ZNF584: variants seen among roughly 807,000 people sequenced by gnomAD.
ZNF584 encodes zinc finger protein 584.
A neutral mutation model predicts 14.7 loss-of-function variants in ZNF584; 12 were observed. The observed-to-expected ratio is 0.82, with a 90% CI of 0.52 to 1.32. ZNF584 has a LOEUF of 1.32. Ranked by LOEUF, ZNF584 falls within the 40% of genes most tolerant of loss-of-function variation. The pLI is 0.00. For synonymous variants in ZNF584, 204 were observed against 190.9 expected (o/e 1.07, Z -0.57); for missense variants, 478 against 518.8 (o/e 0.92, Z 0.76).
intron 2 of ZNF584, among the ~76,000 whole-genome samples, chr19:58,410,776 TAA>T (rs1491263863): frequency 6.4e-5 from 3 of 47,228 alleles, no homozygotes; most frequent in Non-Finnish European, 7.9e-5. Context: ...TATATATATA[TAA>T]TTTTTTTTTT....
In ZNF584 at chr19:58,413,328, TTTTTTC is replaced by T. The variant is rs1212069607; in HGVS notation, c.170-2178_170-2173del. On this transcript the variant is annotated intron_variant, in intron 2 of 3. Transcript: ENST00000306910. Reference sequence around the variant, plus strand: ...CATAATTTTTTGTTTGTTGTGGTATTTTTTTCTTTTTCTTTTTCTTTTTTTTTAATT... The same window carrying T: ...CATAATTTTTTGTTTGTTGTGGTATTTTTTTCTTTTTCTTTTTTTTTAATT... 1.1e-4 allele frequency among the ~76,000 whole-genome samples: 17 copies of T among 152,066 alleles called. No individual in the cohort carries two copies. The South Asian group carries it at 2.5e-3, about 22-fold the overall frequency.
chr19:58,413,449 A>C (rs1383316057), intron 2 of ZNF584, among the ~76,000 whole-genome samples: 4 of 151,464 alleles, frequency 2.6e-5, no homozygotes, highest in Non-Finnish European at 5.9e-5. Flanking sequence ...GGGTTCAAGC[A>C]ATTCTGCTGC....
chr19:58,416,684 G>T, intron 3 of ZNF584, 127 bp from the exon 4 acceptor site: 1 of 1,260,814 alleles, frequency 7.9e-7, no homozygotes, highest in Non-Finnish European at 1.0e-6. Context: ...TTACAGGCGT[G>T]AGCCACCACG....
upstream of ZNF584, chr19:58,404,423 G>T (rs372108454): frequency 2.7e-4 from 41 of 152,468 alleles, 1 homozygote; most frequent in South Asian, 7.2e-3. Context: ...AGATTAGGGA[G>T]TGGTGATGAC....
At chr19:58,409,296 G>A in intron 1 of ZNF584, 131 bp downstream of exon 1, 2 of 1,113,672 alleles carry the variant, frequency 1.8e-6, no homozygotes, top group Non-Finnish European at 2.4e-6. Context: ...CACGGCTGGG[G>A]CATGCCCTTG....
intron 1 of ZNF584, among the ~76,000 whole-genome samples, 162 bp from the exon 2 acceptor site, chr19:58,409,779 A>C: frequency 6.6e-6 from 1 of 152,116 alleles, no homozygotes; most frequent in South Asian, 2.1e-4. Context: ...AGGAAGGTAT[A>C]AGGGTATGTG....
intron 1 of ZNF584, among the ~76,000 whole-genome samples, chr19:58,403,640 G>A (rs2052445110): frequency 1.3e-5 from 2 of 152,118 alleles, no homozygotes; most frequent in Admixed American, 6.6e-5. Flanking sequence ...CCCATATAAT[G>A]TACATTAATA....
chr19:58,416,874 T>C lies in ZNF584; in HGVS notation c.356T>C (p.Ile119Thr). Residue 119 changes from isoleucine (I) to threonine (T), a missense_variant, in exon 4 of 4, where the codon ATC (isoleucine) becomes ACC (threonine). Coordinates refer to ENST00000306910, the MANE Select transcript of ZNF584 (RefSeq NM_173548.3). ...HPEHLKSYRV[I>T]QHQDTHSEGK... ...GAGCATCTAAAGAGCTACAGAGTCA[T>C]CCAGCACCAGGACACTCATAGTGAG... 1.2e-6 allele frequency: 2 copies of C among 1,605,336 alleles called. No individual in the cohort carries two copies. The highest frequency in any genetic ancestry group is 1.7e-5 in the Admixed American group (1 of 59,016).
chr19:58,415,635 G>C lies in ZNF584; in HGVS notation c.281G>C (p.Gly94Ala), dbSNP rs747785210. 2.5e-6 allele frequency: 4 copies of C among 1,614,002 alleles called. No homozygotes were observed. The Admixed American group carries it at 6.7e-5, about 27-fold the overall frequency. ...GTCAGCAGAGCAGAAGCCAGGAGAG[G>C]TTTTGGTCTTGGTAAGTGGAGTGGA... ...TPVSRAEARR[G>A]FGLDGLCRVE... The change falls in exon 3 of 4, where the codon GGT (glycine) becomes GCT (alanine). Residue 94 changes from glycine to alanine, a missense_variant. By Grantham distance (60) the Gly-to-Ala change is moderately conservative (BLOSUM62 0). This residue lies in a region of ZNF584 where 189 missense variants were observed against 177.9 expected (regional missense o/e 1.06). Transcript: ENST00000306910.
Position 58,410,555 on chromosome 19 carries a change from ATATGTG to A in ZNF584, c.169+468_169+473del, listed in dbSNP as rs1222723584. Reference sequence around the variant, plus strand: ...TATATATATATATATATATATATATATATGTGTATATATATATGTATATATATGTAT... The same window carrying A: ...TATATATATATATATATATATATATATATATATATATGTATATATATGTAT... On this transcript the variant is annotated intron_variant, in intron 2 of 3. Coordinates refer to ENST00000306910, the MANE Select transcript of ZNF584 (RefSeq NM_173548.3). 5.8e-3 allele frequency among the ~76,000 whole-genome samples: 157 copies of A among 26,856 alleles called. 5 individuals are homozygous for A. Among genetic ancestry groups the A allele is most frequent in the East Asian group, 0.048 (79 of 1,652 alleles). The allele number at this position is 26,856 out of a possible 152,430, so 17.6% of individuals were successfully genotyped here.
chr19:58,409,102 G>C lies in ZNF584; in HGVS notation c.-46G>C. The C allele has an allele frequency of 6.8e-7, 1 of 1,470,656 alleles. No homozygotes were observed. Among genetic ancestry groups the C allele is most frequent in the African/African-American group, 1.4e-5 (1 of 69,518 alleles). 91.1% of individuals were successfully genotyped at this position (1,470,656 alleles called of 1,614,324 possible). On this transcript the variant is annotated 5_prime_UTR_variant, in exon 1 of 4. Transcript: ENST00000306910. Reference sequence around the variant, plus strand: ...GGTTTCCGCGCCCGGGACGCGTTTCGGCTGAGGCCGTGGGTCCAGTCCACG... The same window carrying C: ...GGTTTCCGCGCCCGGGACGCGTTTCCGCTGAGGCCGTGGGTCCAGTCCACG...
chr19:58,413,803 G>A (rs547406609), intron 2 of ZNF584, among the ~76,000 whole-genome samples: 3 of 151,536 alleles, frequency 2.0e-5, no homozygotes, highest in East Asian at 3.9e-4. Context: ...CCGGCCTGTT[G>A]TATTTTTCTT....
intron 1 of ZNF584, among the ~76,000 whole-genome samples, chr19:58,402,704 C>T (rs1381041326): frequency 6.6e-6 from 1 of 151,866 alleles, no homozygotes; most frequent in Non-Finnish European, 1.5e-5. Flanking sequence ...TGCCTGTTAT[C>T]CCAGCTCCTC....
chr19:58,409,320 T>C lies in ZNF584; in HGVS notation c.18+155T>C, dbSNP rs528906065. ...GGCATGCCCTTGGCAGTGGGAGCCA[T>C]TGGAGATGTGCCGCAGGACTGGGAC... is the stretch of plus-strand genomic sequence containing the variant. On this transcript the variant is annotated intron_variant, in intron 1 of 3. Coordinates refer to ENST00000306910, the MANE Select transcript of ZNF584 (RefSeq NM_173548.3). 4.9e-5 allele frequency: 44 copies of C among 906,550 alleles called. No individual in the cohort carries two copies. The African/African-American group carries it at 5.8e-4, about 12-fold the overall frequency. 56.2% of individuals were successfully genotyped at this position (906,550 alleles called of 1,614,324 possible). A position where few individuals can be genotyped will look rare whatever the true frequency, so the allele number is the denominator to read the frequency against.
rs1156543028 is a variant in ZNF584, at chr19:58,410,518, AATATATATAT to A, written c.169+458_169+467del. 3.6e-3 allele frequency among the ~76,000 whole-genome samples: 275 copies of A among 77,178 alleles called. 18 individuals are homozygous for A. Among genetic ancestry groups the A allele is most frequent in the South Asian group, 0.013 (26 of 2,000 alleles). 50.6% of individuals were successfully genotyped at this position (77,178 alleles called of 152,430 possible). On this transcript the variant is annotated intron_variant, in intron 2 of 3. Coordinates refer to ENST00000306910, the MANE Select transcript of ZNF584 (RefSeq NM_173548.3). The stretch of plus-strand genomic sequence containing the variant: ...GAATTTTAATCAGAACGGTTTGGGA[AATATATATAT>A]ATATATATATATATATATATATATA...
At chr19:58,416,118 C>A in intron 3 of ZNF584, 1 of 650,776 alleles carries the variant, frequency 1.5e-6, no homozygotes, top group Non-Finnish European at 2.6e-6. Context: ...CTCTTCCCTG[C>A]ACCATATCCT....
chr19:58,406,752 T>G (rs1334594065), upstream of ZNF584: 1 of 152,362 alleles, frequency 6.6e-6, no homozygotes, highest in African/African-American at 2.4e-5. Flanking sequence ...GGGGAACTCA[T>G]GAACTGTAAA....
upstream of ZNF584, chr19:58,406,344 C>CGGGGGGGGGGGGG (rs1171489261): frequency 1.6e-4 from 4 of 24,410 alleles, no homozygotes; most frequent in Admixed American, 3.9e-4. Flanking sequence ...GTGGAAAGAG[C>CGGGGGGGGGGGGG]GGGGGGGGGG....
At chr19:58,405,570 G>T (rs1013386182), upstream of ZNF584, 2 of 162,292 alleles carry the variant, frequency 1.2e-5, no homozygotes, top group African/African-American at 5.0e-5. Flanking sequence ...CTGGGCGGAG[G>T]GGCTCCTCAC....
Sources: gnomAD v4.1 joint callset for allele counts (sites outside exome capture counted in the v4.1 genomes callset) on GRCh38, gnomAD v4.1.1 for gene constraint, gnomAD v4.1.1 regional missense constraint, MANE v1.5 for transcripts, NCBI Gene and HGNC (gene_info 2026-07-23, HGNC 2026-07-21) for gene names.